GPC5: variants seen among roughly 807,000 people sequenced by gnomAD.
The protein encoded by GPC5 is glypican-5.
A neutral mutation model predicts 53.9 loss-of-function variants in GPC5; 47 were observed. The observed-to-expected ratio is 0.87, with a 90% CI of 0.69 to 1.11. The LOEUF (loss-of-function observed/expected upper bound fraction) is 1.11, where lower values mean the gene tolerates loss of function less well. Among genes scored for constraint, GPC5 ranks in the 50% most tolerant of loss-of-function variants. The pLI is 0.00. For missense variants in GPC5, 748 were observed against 713.1 expected, an observed-to-expected ratio of 1.05 and a Z score of -0.56; for synonymous variants, 286 against 263.3, an observed-to-expected ratio of 1.09 and a Z score of -0.84.
intron 7 of GPC5, among the ~76,000 whole-genome samples, chr13:92,455,149 A>G (rs935738468): frequency 1.3e-5 from 2 of 152,190 alleles, no homozygotes; most frequent in African/African-American, 4.8e-5. Flanking sequence ...CCACATTCAG[A>G]TAGGAAATGT....
chr13:91,660,674 G>T (rs993169159), intron 2 of GPC5, among the ~76,000 whole-genome samples: 12 of 152,152 alleles, frequency 7.9e-5, no homozygotes, highest in African/African-American at 2.7e-4. Flanking sequence ...TTGTTAATCA[G>T]ATCACCAGGA....
chr13:92,017,813 TACACACACGCATGAGC>T (rs2040720650), intron 6 of GPC5, among the ~76,000 whole-genome samples: 2 of 148,396 alleles, frequency 1.3e-5, no homozygotes, highest in East Asian at 4.1e-4. Context: ...CACGCATGAG[TACACACACGCATGAGC>T]ACACACATAC....
At chr13:92,247,049 G>T (rs2042656444) in intron 7 of GPC5, among the ~76,000 whole-genome samples, 1 of 152,068 alleles carries the variant, frequency 6.6e-6, no homozygotes, top group Non-Finnish European at 1.5e-5. Context: ...TTAAAGACCA[G>T]CAGTGTTCAC....
chr13:91,442,749 A>G (rs1165978753), intron 1 of GPC5, among the ~76,000 whole-genome samples: 1 of 151,286 alleles, frequency 6.6e-6, no homozygotes, highest in East Asian at 2.0e-4. Context: ...TTTGGCAGGG[A>G]CTATAGGAGG....
intron 6 of GPC5, among the ~76,000 whole-genome samples, chr13:91,985,428 G>A (rs1299487396): frequency 1.4e-5 from 2 of 145,544 alleles, no homozygotes; most frequent in Admixed American, 6.8e-5. Flanking sequence ...GGTTCACTTC[G>A]ATTTTTTAAA....
At chr13:92,231,006 G>T (rs1019970334) in intron 7 of GPC5, among the ~76,000 whole-genome samples, 5 of 152,166 alleles carry the variant, frequency 3.3e-5, no homozygotes, top group African/African-American at 1.2e-4. Flanking sequence ...AGAGCAAAGC[G>T]CTTTGCAGTA....
intron 7 of GPC5, among the ~76,000 whole-genome samples, chr13:92,297,092 C>T (rs927564465): frequency 8.5e-5 from 13 of 152,244 alleles, no homozygotes; most frequent in Admixed American, 2.0e-4. Flanking sequence ...CCTGCAGCCC[C>T]TGTGCGGGAT....
chr13:92,290,141 G>A (rs906585139), intron 7 of GPC5, among the ~76,000 whole-genome samples: 1 of 152,128 alleles, frequency 6.6e-6, no homozygotes. Context: ...TTAAGGTAAT[G>A]TTCTTAATTT....
At chr13:92,831,054 C>T (rs1878028419) in intron 7 of GPC5, among the ~76,000 whole-genome samples, 1 of 151,854 alleles carries the variant, frequency 6.6e-6, no homozygotes, top group African/African-American at 2.4e-5. Context: ...TGATGTAAGC[C>T]CCATTCGGCT....
chr13:92,100,888 T>A (rs1381178195), intron 6 of GPC5, among the ~76,000 whole-genome samples: 2 of 152,214 alleles, frequency 1.3e-5, no homozygotes, highest in African/African-American at 4.8e-5. Flanking sequence ...CTTACAGACA[T>A]ACATAATAAT....
At chr13:92,823,544 A>G (rs1488539278) in intron 7 of GPC5, among the ~76,000 whole-genome samples, 1 of 152,138 alleles carries the variant, frequency 6.6e-6, no homozygotes, top group African/African-American at 2.4e-5. Flanking sequence ...TCTGTTTAGT[A>G]TTAATGACCG....
At chr13:91,576,795 G>A (rs1173846343) in intron 2 of GPC5, among the ~76,000 whole-genome samples, 1 of 152,034 alleles carries the variant, frequency 6.6e-6, no homozygotes, top group African/African-American at 2.4e-5. Context: ...TCCTGTCATC[G>A]CCTCCTGCTG....
intron 7 of GPC5, among the ~76,000 whole-genome samples, chr13:92,773,321 A>T (rs1875678892): frequency 6.6e-6 from 1 of 152,174 alleles, no homozygotes; most frequent in African/African-American, 2.4e-5. Flanking sequence ...AGCTCCTAGA[A>T]TTTGAGAAAT....
At chr13:91,927,463 C>A (rs1282060468) in intron 6 of GPC5, among the ~76,000 whole-genome samples, 1 of 151,968 alleles carries the variant, frequency 6.6e-6, no homozygotes, top group Non-Finnish European at 1.5e-5. Flanking sequence ...ACAATATATA[C>A]TATTCTAATA....
intron 7 of GPC5, among the ~76,000 whole-genome samples, chr13:92,606,019 T>C (rs1262398972): frequency 6.6e-6 from 1 of 152,162 alleles, no homozygotes; most frequent in African/African-American, 2.4e-5. Context: ...AAGAAGGTAT[T>C]AAACCTTTTA....
chr13:91,952,341 C>G (rs1414617500), intron 6 of GPC5, among the ~76,000 whole-genome samples: 1 of 152,114 alleles, frequency 6.6e-6, no homozygotes, highest in Non-Finnish European at 1.5e-5. Flanking sequence ...AATGCAGGCT[C>G]AGTGATGTTA....
Position 92,635,551 on chromosome 13 carries a change from T to C in GPC5, c.1562-230731T>C, listed in dbSNP as rs543386679. On this transcript the variant is annotated intron_variant, in intron 7 of 7. Coordinates refer to ENST00000377067, the MANE Select transcript of GPC5 (RefSeq NM_004466.6). ...GGCTCCCAAGACAATGGCATTAATC[T>C]GTACATAAGGCCAGAGCCCTCATGC... Among the ~76,000 whole-genome samples the C allele has an allele frequency of 1.7e-3, 252 of 152,294 alleles. 3 individuals carry two copies. The highest frequency in any genetic ancestry group is 2.7e-3 in the Non-Finnish European group (182 of 68,008).
chr13:91,434,571 T>C (rs1879762381), intron 1 of GPC5, among the ~76,000 whole-genome samples: 1 of 152,224 alleles, frequency 6.6e-6, no homozygotes, highest in South Asian at 2.1e-4. Flanking sequence ...ATCTCTGTTT[T>C]GGTACCAGTA....
At chr13:91,660,211 T>C (rs948177478) in intron 2 of GPC5, among the ~76,000 whole-genome samples, 11 of 152,246 alleles carry the variant, frequency 7.2e-5, no homozygotes, top group African/African-American at 2.4e-4. Context: ...GGCTGATTGC[T>C]ACAGAGGCTG....
Sources: gnomAD v4.1 joint callset for allele counts (sites outside exome capture counted in the v4.1 genomes callset) on GRCh38, gnomAD v4.1.1 for gene constraint, MANE v1.5 for transcripts, NCBI Gene and HGNC (gene_info 2026-07-23, HGNC 2026-07-21) for gene names.